Variants in UBR3 observed in about 807,000 individuals in gnomAD.
UBR3 encodes ubiquitin protein ligase E3 component n-recognin 3, also known as E3 ubiquitin-protein ligase UBR3.
A neutral mutation model predicts 243.2 loss-of-function variants in UBR3; 85 were observed. That is an observed-to-expected ratio of 0.35 (90% confidence interval 0.29 to 0.42). The LOEUF is 0.42. Ranked by LOEUF, UBR3 falls within the 10% of genes least tolerant of loss-of-function variation. UBR3 has a pLI of 1.00. For missense variants in UBR3, 1,686 were observed against 2,300.8 expected, an observed-to-expected ratio of 0.73 and a Z score of 5.47; for synonymous variants, 748 against 799.8, an observed-to-expected ratio of 0.94 and a Z score of 1.09.
intron 8 of UBR3, among the ~76,000 whole-genome samples, chr2:169,902,601 C>T (rs1450584537): frequency 7.4e-6 from 1 of 135,720 alleles, no homozygotes; most frequent in Admixed American, 8.5e-5. Context: ...AACTTCACTT[C>T]CTCAGGAGAG....
intron 24 of UBR3, among the ~76,000 whole-genome samples, chr2:169,983,461 A>G (rs963863218): frequency 4.6e-5 from 7 of 151,916 alleles, no homozygotes; most frequent in African/African-American, 1.7e-4. Flanking sequence ...GGGTTTTGCC[A>G]TGTTGTCCAG....
At chr2:170,029,831 T>G (rs1048482585) in intron 31 of UBR3, among the ~76,000 whole-genome samples, 2 of 152,082 alleles carry the variant, frequency 1.3e-5, no homozygotes, top group Non-Finnish European at 2.9e-5. Flanking sequence ...TCCTGATAAT[T>G]CTTGCTAAAA....
chr2:170,055,731 A>G (rs969431945), intron 33 of UBR3, 147 bp downstream of exon 33: 2 of 963,200 alleles, frequency 2.1e-6, no homozygotes, highest in Non-Finnish European at 3.0e-6. Flanking sequence ...AATGTTTAAA[A>G]TGTTTTCACT....
intron 35 of UBR3, among the ~76,000 whole-genome samples, chr2:170,070,175 C>G (rs967259411): frequency 6.6e-6 from 1 of 151,958 alleles, no homozygotes; most frequent in Admixed American, 6.6e-5. Flanking sequence ...GGGTTTATCC[C>G]GGAATGCACA....
chr2:169,836,091 T>TTG, intron 1 of UBR3, among the ~76,000 whole-genome samples: 1 of 115,848 alleles, frequency 8.6e-6, no homozygotes, highest in African/African-American at 3.4e-5. Context: ...TTTTTTTTTT[T>TTG]TTGAGATGGA....
intron 2 of UBR3, 123 bp from the exon 3 acceptor site, chr2:169,875,668 T>C (rs1054470989): frequency 4.1e-5 from 41 of 999,290 alleles, no homozygotes; most frequent in Admixed American, 1.0e-4. Flanking sequence ...GTATTGACTT[T>C]TTTGATTATA....
In UBR3 at chr2:169,946,265, G is replaced by C. The variant is rs1341555615; in HGVS notation, c.2806-23G>C. 2.5e-5 allele frequency: 33 copies of C among 1,307,712 alleles called. No individual in the cohort carries two copies. The East Asian group carries it at 9.2e-4, about 36-fold the overall frequency. The allele number at this position is 1,307,712 out of a possible 1,614,324, so 81.0% of individuals were successfully genotyped here. A position where few individuals can be genotyped will look rare whatever the true frequency, so the allele number is the denominator to read the frequency against. On this transcript the variant is annotated intron_variant, in intron 20 of 38. Transcript: ENST00000272793. ...CTTTTGTGGAAAAAAGTAATTATGA[G>C]GCATTTTCTTCCCTTTTTAAAGATT...
rs1389088915 is a variant in UBR3 at position 169,827,800 on chromosome 2, T to C, written c.293T>C (p.Leu98Pro). Reference sequence around the variant, plus strand: ...GCCCTGGAGTGGTGTAAGTGCCTTCTGGCGGGCGGCGGCGGCTACGACGAG... The same window carrying C: ...GCCCTGGAGTGGTGTAAGTGCCTTCCGGCGGGCGGCGGCGGCTACGACGAG... ...EEALEWCKCLLAGGGGYDEFC... is the reference protein window; with the variant it reads ...EEALEWCKCLPAGGGGYDEFC... The change falls in exon 1 of 39, where the codon CTG becomes CCG. Residue 98 changes from leucine to proline, a missense_variant. Physicochemically the swap from Leu to Pro is moderately conservative, Grantham distance 98. Around this residue, in one of 8 missense-constraint regions of UBR3, gnomAD observed 145 missense variants for 243.8 expected, o/e 0.59. Coordinates refer to ENST00000272793, the MANE Select transcript of UBR3 (RefSeq NM_172070.4). 1 of 1,495,618 alleles carries C rather than the reference T, an allele frequency of 6.7e-7. No individual in the cohort carries two copies. 92.6% of individuals were successfully genotyped at this position (1,495,618 alleles called of 1,614,324 possible). A position where few individuals can be genotyped will look rare whatever the true frequency, so the allele number is the denominator to read the frequency against.
intron 24 of UBR3, among the ~76,000 whole-genome samples, chr2:169,967,165 A>AT (rs1260332521): frequency 2.6e-5 from 4 of 152,144 alleles, no homozygotes; most frequent in Admixed American, 6.6e-5. Flanking sequence ...AACAAGAGCT[A>AT]TTAATCAAGA....
intron 10 of UBR3, among the ~76,000 whole-genome samples, chr2:169,908,580 A>C (rs184165578): frequency 1.8e-3 from 274 of 152,322 alleles, no homozygotes; most frequent in African/African-American, 6.3e-3. Context: ...GGGGAGATAA[A>C]TCTTAAGTAA....
chr2:170,003,237 A>G (rs1018896015), intron 27 of UBR3, among the ~76,000 whole-genome samples: 15 of 152,198 alleles, frequency 9.9e-5, no homozygotes, highest in African/African-American at 3.6e-4. Flanking sequence ...CTTATTTACT[A>G]CATTGAGCTT....
intron 1 of UBR3, among the ~76,000 whole-genome samples, chr2:169,831,547 C>A (rs980239832): frequency 6.6e-6 from 1 of 152,064 alleles, no homozygotes; most frequent in Admixed American, 6.6e-5. Context: ...TCATAAAGGG[C>A]AAGATTGAAC....
chr2:169,995,070 T>C (rs1223502569), intron 26 of UBR3, among the ~76,000 whole-genome samples: 1 of 152,120 alleles, frequency 6.6e-6, no homozygotes, highest in Non-Finnish European at 1.5e-5. Context: ...ATGAATGAAA[T>C]AATGAAAACA....
At chr2:169,854,065 T>C (rs1243879576) in intron 1 of UBR3, among the ~76,000 whole-genome samples, 1 of 152,024 alleles carries the variant, frequency 6.6e-6, no homozygotes, top group Non-Finnish European at 1.5e-5. Context: ...AAATACCTAA[T>C]GCATGCGGGG....
chr2:169,987,483 A>G (rs1292729471), intron 25 of UBR3, among the ~76,000 whole-genome samples: 1 of 151,474 alleles, frequency 6.6e-6, no homozygotes, highest in Non-Finnish European at 1.5e-5. Flanking sequence ...GTTTTTAATT[A>G]CACAAGGCAT....
chr2:169,986,167 T>C (rs571354728), intron 24 of UBR3, among the ~76,000 whole-genome samples: 4 of 152,342 alleles, frequency 2.6e-5, no homozygotes, highest in African/African-American at 9.6e-5. Flanking sequence ...TTCTGAGATA[T>C]AATCACTAGA....
At chr2:169,914,001 A>T in intron 10 of UBR3, 59 bp from the exon 11 acceptor site, 1 of 743,834 alleles carries the variant, frequency 1.3e-6, no homozygotes, top group Non-Finnish European at 1.9e-6. Flanking sequence ...CATATAATTT[A>T]ATGTTGAAAA....
chr2:169,891,282 A>G (rs2084364084), intron 6 of UBR3, 51 bp downstream of exon 6: 19 of 1,397,196 alleles, frequency 1.4e-5, no homozygotes, highest in Non-Finnish European at 1.9e-5. Flanking sequence ...CTTCTAAAAA[A>G]TGCCTAATCA....
intron 30 of UBR3, among the ~76,000 whole-genome samples, chr2:170,024,619 GT>G (rs911702962): frequency 7.9e-5 from 12 of 151,908 alleles, no homozygotes; most frequent in South Asian, 6.2e-4. Flanking sequence ...ATTTTATAGA[GT>G]TTTTTTATGT....
Sources: gnomAD v4.1 joint callset for allele counts (sites outside exome capture counted in the v4.1 genomes callset) on GRCh38, gnomAD v4.1.1 for gene constraint, gnomAD v4.1.1 regional missense constraint, MANE v1.5 for transcripts, NCBI Gene and HGNC (gene_info 2026-07-23, HGNC 2026-07-21) for gene names.